The following DLG2 variants were observed in gnomAD, a reference collection of about 807,000 sequenced individuals.
The protein encoded by DLG2 is discs large MAGUK scaffold protein 2, also known as disks large homolog 2.
A neutral mutation model predicts 132.5 loss-of-function variants in DLG2; 45 were observed. The observed-to-expected ratio is 0.34, with a 90% CI of 0.27 to 0.44. The LOEUF (loss-of-function observed/expected upper bound fraction) is 0.44, where lower values mean the gene tolerates loss of function less well. DLG2 is among the 20% of genes least tolerant of loss of function. The pLI is 1.00. For synonymous variants in DLG2, 424 were observed against 419.6 expected, an observed-to-expected ratio of 1.01 and a Z score of -0.13; for missense variants, 1,045 against 1,196.9, an observed-to-expected ratio of 0.87 and a Z score of 1.87.
At chr11:84,473,228 G>C (rs2099113121) in intron 7 of DLG2, among the ~76,000 whole-genome samples, 1 of 152,044 alleles carries the variant, frequency 6.6e-6, no homozygotes, top group African/African-American at 2.4e-5. Flanking sequence ...GTTTCTCTAA[G>C]AATGTGGCTC....
intron 6 of DLG2, among the ~76,000 whole-genome samples, chr11:84,737,027 G>T (rs2153818483): frequency 6.6e-6 from 1 of 151,982 alleles, no homozygotes; most frequent in Non-Finnish European, 1.5e-5. Flanking sequence ...TCATGTTGAA[G>T]AAATTCCCTT....
In DLG2 at chr11:85,266,428, G is replaced by A. The variant is rs560624914; in HGVS notation, c.186+18792C>T. On this transcript the variant is annotated intron_variant, in intron 4 of 27. Coordinates refer to ENST00000376104, the MANE Select transcript of DLG2 (RefSeq NM_001142699.3). ...GAACAATGAGAACACATAGACACAG[G>A]GAGGGGAACATCACACAGTAGGGCC... is the stretch of plus-strand genomic sequence containing the variant. Among the ~76,000 whole-genome samples, 7 of 152,260 alleles carry A rather than the reference G, an allele frequency of 4.6e-5. No individual in the cohort carries two copies. In the East Asian group the frequency reaches 1.4e-3, roughly 29 times the overall value.
intron 4 of DLG2, among the ~76,000 whole-genome samples, chr11:85,203,554 TCTC>T (rs1315255024): frequency 6.6e-6 from 1 of 151,882 alleles, no homozygotes; most frequent in African/African-American, 2.4e-5. Context: ...TAATAAAAAG[TCTC>T]CTATCAAAAA....
chr11:84,787,932 C>G (rs1399772390), intron 6 of DLG2, among the ~76,000 whole-genome samples: 1 of 66,720 alleles, frequency 1.5e-5, no homozygotes, highest in Non-Finnish European at 3.3e-5. Context: ...AACCCTGTCT[C>G]TACTTACAAA....
chr11:83,608,751 AAGAG>A (rs35660113), intron 19 of DLG2, among the ~76,000 whole-genome samples: 7 of 151,294 alleles, frequency 4.6e-5, no homozygotes, highest in South Asian at 2.1e-4. Context: ...GAGAGAGAGA[AAGAG>A]AGAGAGAGAT....
At chr11:85,459,492 T>C (rs1463215778) in intron 3 of DLG2, among the ~76,000 whole-genome samples, 1 of 152,182 alleles carries the variant, frequency 6.6e-6, no homozygotes, top group Non-Finnish European at 1.5e-5. Context: ...GCCAGTTGTC[T>C]CAGGGAGCCC....
At chr11:84,480,311 A>C (rs962227119) in intron 7 of DLG2, among the ~76,000 whole-genome samples, 2 of 152,052 alleles carry the variant, frequency 1.3e-5, no homozygotes, top group Non-Finnish European at 2.9e-5. Flanking sequence ...GGCTCATGAG[A>C]GGTGTCAGTA....
chr11:83,550,328 C>T lies in DLG2; in HGVS notation c.1941-8470G>A, dbSNP rs532786945. Among the ~76,000 whole-genome samples, 55 of 152,270 alleles carry T rather than the reference C, an allele frequency of 3.6e-4. 4 individuals are homozygous for T. In the South Asian group the frequency reaches 0.011, roughly 31 times the overall value. On this transcript the variant is annotated intron_variant, in intron 19 of 27. Coordinates refer to ENST00000376104, the MANE Select transcript of DLG2 (RefSeq NM_001142699.3). ...ACTTTCTCTTTCTCTCTCTTAAGTCCTCAGTGCTCCCAATTCACCAAGAGA... is the reference window on the plus strand; with the variant it reads ...ACTTTCTCTTTCTCTCTCTTAAGTCTTCAGTGCTCCCAATTCACCAAGAGA...
intron 16 of DLG2, among the ~76,000 whole-genome samples, chr11:83,837,637 G>A (rs1462226077): frequency 1.5e-5 from 2 of 135,342 alleles, no homozygotes; most frequent in Non-Finnish European, 3.1e-5. Context: ...AAAGGGAGCA[G>A]GTTTTACTTG....
At chr11:84,863,445 G>A (rs2084063086) in intron 6 of DLG2, among the ~76,000 whole-genome samples, 1 of 152,074 alleles carries the variant, frequency 6.6e-6, no homozygotes, top group South Asian at 2.1e-4. Flanking sequence ...ATATTAATTT[G>A]TTGTAGAAAA....
At chr11:83,996,820 C>A (rs2094053130) in intron 11 of DLG2, among the ~76,000 whole-genome samples, 1 of 151,998 alleles carries the variant, frequency 6.6e-6, no homozygotes, top group African/African-American at 2.4e-5. Flanking sequence ...TTACTAGAGG[C>A]TGAGAAGGGT....
chr11:83,851,352 G>A (rs1237134879), intron 16 of DLG2, among the ~76,000 whole-genome samples: 1 of 151,750 alleles, frequency 6.6e-6, no homozygotes, highest in Admixed American at 6.6e-5. Context: ...GGGCTGGGCG[G>A]GGTGGCTCAT....
At chr11:84,911,922 C>T (rs917644326) in intron 6 of DLG2, among the ~76,000 whole-genome samples, 3 of 151,884 alleles carry the variant, frequency 2.0e-5, no homozygotes, top group Admixed American at 6.5e-5. Flanking sequence ...ATATAACTGC[C>T]GATACTGCAG....
At chr11:85,411,705 G>T (rs2089326443) in intron 3 of DLG2, among the ~76,000 whole-genome samples, 1 of 151,810 alleles carries the variant, frequency 6.6e-6, no homozygotes, top group African/African-American at 2.4e-5. Context: ...ACATTTATTT[G>T]ATTGATGGGA....
intron 3 of DLG2, among the ~76,000 whole-genome samples, chr11:85,583,057 A>AATATAT (rs71995683): frequency 5.9e-5 from 6 of 101,634 alleles, no homozygotes; most frequent in African/African-American, 2.4e-4. Context: ...GGAAAAAAAA[A>AATATAT]ATATATATAT....
rs144164233 is a variant in DLG2 at position 83,517,275 on chromosome 11, C to T, written c.2193+15433G>A. ...GCTTGCTTCATTTCATTCATTTGAT[C>T]TTCCATCACTGATACCCTTTCTTCT... On this transcript the variant is annotated intron_variant, in intron 21 of 27. Coordinates refer to ENST00000376104, the MANE Select transcript of DLG2 (RefSeq NM_001142699.3). Among the ~76,000 whole-genome samples, 701 of 152,288 alleles carry T rather than the reference C, an allele frequency of 4.6e-3. 13 individuals carry two copies. The highest frequency in any genetic ancestry group is 0.016 in the African/African-American group (667 of 41,544).
intron 6 of DLG2, among the ~76,000 whole-genome samples, chr11:84,536,778 A>C (rs1442730168): frequency 1.3e-5 from 2 of 152,154 alleles, no homozygotes; most frequent in African/African-American, 4.8e-5. Flanking sequence ...TAATAAGTTG[A>C]TGAGTCTGCT....
At chr11:84,665,230 T>C (rs2099698649) in intron 6 of DLG2, among the ~76,000 whole-genome samples, 1 of 152,162 alleles carries the variant, frequency 6.6e-6, no homozygotes, top group Non-Finnish European at 1.5e-5. Flanking sequence ...TGATATATAA[T>C]AGTATTGATG....
chr11:83,545,410 G>T (rs759763092), intron 19 of DLG2, among the ~76,000 whole-genome samples: 1 of 152,040 alleles, frequency 6.6e-6, no homozygotes, highest in Non-Finnish European at 1.5e-5. Flanking sequence ...TGAATCAGGG[G>T]ATCTGTGTGC....
Sources: gnomAD v4.1 joint callset for allele counts (sites outside exome capture counted in the v4.1 genomes callset) on GRCh38, gnomAD v4.1.1 for gene constraint, MANE v1.5 for transcripts, NCBI Gene and HGNC (gene_info 2026-07-23, HGNC 2026-07-21) for gene names.